Variants in NRG1 observed in about 807,000 individuals in gnomAD.
NRG1 encodes pro-neuregulin-1, membrane-bound isoform.
A neutral mutation model predicts 63.8 loss-of-function variants in NRG1; 18 were observed. The ratio of observed to expected loss-of-function variants is 0.28; its 90% CI spans 0.19 to 0.42. NRG1 has a LOEUF of 0.42. NRG1 is among the 10% of genes least tolerant of loss of function. The pLI, the probability that NRG1 is intolerant of heterozygous loss-of-function variation, is 1.00. For synonymous variants in NRG1, 302 were observed against 301.3 expected (o/e 1.00, Z -0.02); for missense variants, 762 against 814.7 (o/e 0.94, Z 0.79).
intron 1 of NRG1, among the ~76,000 whole-genome samples, chr8:32,451,314 T>C (rs1184957903): frequency 6.6e-6 from 1 of 152,122 alleles, no homozygotes; most frequent in Non-Finnish European, 1.5e-5. Context: ...CTAGTCACCA[T>C]GACATAGGCT....
intron 1 of NRG1, among the ~76,000 whole-genome samples, chr8:32,457,294 A>G (rs1821721143): frequency 6.6e-6 from 1 of 152,214 alleles, no homozygotes. Flanking sequence ...TTCCACATAC[A>G]GTAAGCAGAA....
At chr8:32,270,145 C>T (rs2129472326) in intron 1 of NRG1, among the ~76,000 whole-genome samples, 1 of 152,254 alleles carries the variant, frequency 6.6e-6, no homozygotes, top group South Asian at 2.1e-4. Flanking sequence ...CAGAGTAAAA[C>T]AGAAACAAGT....
At chr8:31,702,629 C>G (rs1810744097) in intron 1 of NRG1, among the ~76,000 whole-genome samples, 1 of 152,070 alleles carries the variant, frequency 6.6e-6, no homozygotes, top group South Asian at 2.1e-4. Flanking sequence ...GCAGTGCCCT[C>G]ATGAATGTTG....
rs183472250 is a variant in NRG1 at position 32,452,483 on chromosome 8, A to C, written c.38-143345A>C. ...TGGAAGGGAATTTCTTGGCCAAAGG[A>C]TAGTAAAAAGTACAGAACCACTAAA... On this transcript the variant is annotated intron_variant, in intron 1 of 10. Coordinates refer to the NRG1 transcript ENST00000519301. Among the ~76,000 whole-genome samples, 73 of 152,334 alleles carry C rather than the reference A, an allele frequency of 4.8e-4. 1 individual carries two copies. The highest frequency in any genetic ancestry group is 4.2e-3 in the Admixed American group (65 of 15,302).
chr8:32,681,388 A>G (rs1356105610), intron 5 of NRG1, among the ~76,000 whole-genome samples: 1 of 152,108 alleles, frequency 6.6e-6, no homozygotes, highest in Non-Finnish European at 1.5e-5. Flanking sequence ...GCCTTAAGAA[A>G]TTCTTCAGAG....
intron 1 of NRG1, among the ~76,000 whole-genome samples, chr8:32,394,662 G>A (rs1812214553): frequency 6.6e-6 from 1 of 152,110 alleles, no homozygotes; most frequent in Non-Finnish European, 1.5e-5. Flanking sequence ...GTTTGCTCGA[G>A]ACCAAGCACA....
At chr8:32,125,261 A>G (rs977820636) in intron 1 of NRG1, among the ~76,000 whole-genome samples, 4 of 151,988 alleles carry the variant, frequency 2.6e-5, no homozygotes, top group African/African-American at 7.2e-5. Context: ...TTATAGCAAC[A>G]TGAAGCCAGA....
chr8:32,393,070 CACCTGAGAGATCAGGT>C (rs1469066090), intron 1 of NRG1, among the ~76,000 whole-genome samples: 1 of 152,148 alleles, frequency 6.6e-6, no homozygotes, highest in Non-Finnish European at 1.5e-5. Flanking sequence ...CCAGACCATA[CACCTGAGAGATCAGGT>C]ACTATGTTGC....
chr8:32,347,318 C>A (rs1277933788), intron 1 of NRG1, among the ~76,000 whole-genome samples: 1 of 152,122 alleles, frequency 6.6e-6, no homozygotes, highest in African/African-American at 2.4e-5. Context: ...CTTCTCCTTC[C>A]CAGCATCTGA....
At chr8:32,387,584 C>A (rs1329957140) in intron 1 of NRG1, among the ~76,000 whole-genome samples, 1 of 152,122 alleles carries the variant, frequency 6.6e-6, no homozygotes, top group Non-Finnish European at 1.5e-5. Context: ...TTAGGAAACA[C>A]CTCCCAGATT....
At chr8:32,325,638 C>T (rs540432371) in intron 1 of NRG1, among the ~76,000 whole-genome samples, 1 of 151,884 alleles carries the variant, frequency 6.6e-6, no homozygotes, top group Non-Finnish European at 1.5e-5. Flanking sequence ...CTCGGCTTCC[C>T]AAAGTGCTGG....
intron 1 of NRG1, among the ~76,000 whole-genome samples, chr8:32,504,772 C>T (rs1828327155): frequency 6.6e-6 from 1 of 152,078 alleles, no homozygotes; most frequent in Admixed American, 6.5e-5. Flanking sequence ...GTTACCTGCT[C>T]AATGAGGGTT....
chr8:31,749,351 A>AT (rs1348606856), intron 1 of NRG1, among the ~76,000 whole-genome samples: 1 of 151,758 alleles, frequency 6.6e-6, no homozygotes, highest in Admixed American at 6.6e-5. Flanking sequence ...ATAAATTGCA[A>AT]TTTTTTCTTA....
chr8:32,440,313 A>ATTTTC (rs1241062707), intron 1 of NRG1, among the ~76,000 whole-genome samples: 1 of 151,926 alleles, frequency 6.6e-6, no homozygotes, highest in Non-Finnish European at 1.5e-5. Context: ...CACCCGGCTA[A>ATTTTC]TTTTCTTTTC....
In NRG1 at chr8:31,815,625, A is replaced by G. The variant is rs183448753; in HGVS notation, c.37+176194A>G. On this transcript the variant is annotated intron_variant, in intron 1 of 10. Transcript: ENST00000519301. ...TATATACCCCGAAGTAGATTGCTGC[A>G]TCATATAATAATTCTGTGTTTAAAT... is the stretch of plus-strand genomic sequence containing the variant. Among the ~76,000 whole-genome samples, 571 of 152,284 alleles carry G rather than the reference A, an allele frequency of 3.7e-3. 6 individuals carry two copies. Among genetic ancestry groups the G allele is most frequent in the African/African-American group, 0.013 (553 of 41,560 alleles).
At chr8:31,996,674 G>A (rs764977432) in intron 1 of NRG1, among the ~76,000 whole-genome samples, 6 of 151,876 alleles carry the variant, frequency 4.0e-5, no homozygotes, top group Non-Finnish European at 8.8e-5. Context: ...GAGCTGGAGA[G>A]GTCTTCCAGC....
At chr8:32,728,663 A>T (rs1822876144) in intron 6 of NRG1, 1 of 984,594 alleles carries the variant, frequency 1.0e-6, no homozygotes, top group East Asian at 1.1e-4. Context: ...AATACATTGT[A>T]TGTAGCATCC....
intron 5 of NRG1, among the ~76,000 whole-genome samples, chr8:32,679,878 G>C (rs35006487): frequency 0.092 from 14,050 of 152,130 alleles, 697 homozygotes; most frequent in African/African-American, 0.11. Context: ...TTATCCCTGC[G>C]AGCTAATGTG....
intron 1 of NRG1, among the ~76,000 whole-genome samples, chr8:32,236,260 A>T (rs979258672): frequency 1.3e-5 from 2 of 152,026 alleles, no homozygotes; most frequent in Non-Finnish European, 2.9e-5. Context: ...GAGACAATTT[A>T]GCCCTGGAAT....
Sources: gnomAD v4.1 joint callset for allele counts (sites outside exome capture counted in the v4.1 genomes callset) on GRCh38, gnomAD v4.1.1 for gene constraint, MANE v1.5 for transcripts, NCBI Gene and HGNC (gene_info 2026-07-23, HGNC 2026-07-21) for gene names.